Variants in SPTAN1 observed in about 807,000 individuals in gnomAD.
The protein encoded by SPTAN1 is spectrin alpha, non-erythrocytic 1.
A neutral mutation model predicts 331.3 loss-of-function variants in SPTAN1; 61 were observed. The observed-to-expected ratio is 0.18, with a 90% CI of 0.15 to 0.23. SPTAN1 has a LOEUF of 0.23. SPTAN1 is among the 10% of genes least tolerant of loss of function. The pLI, the probability that SPTAN1 is intolerant of heterozygous loss-of-function variation, is 1.00. For missense variants in SPTAN1, 2,043 were observed against 3,147.9 expected, an observed-to-expected ratio of 0.65 and a Z score of 8.40; for synonymous variants, 1,153 against 1,173.9, an observed-to-expected ratio of 0.98 and a Z score of 0.36.
At chr9:128,626,060 TCC>T in intron 48 of SPTAN1, 82 bp downstream of exon 48, 2 of 1,523,814 alleles carry the variant, frequency 1.3e-6, no homozygotes, top group Non-Finnish European at 1.8e-6. Context: ...GCTCTGCCAC[TCC>T]CCCTTGAGGA....
intron 52 of SPTAN1, among the ~76,000 whole-genome samples, chr9:128,631,090 C>T (rs911713471): frequency 2.6e-5 from 4 of 152,122 alleles, no homozygotes; most frequent in Admixed American, 6.5e-5. Flanking sequence ...AGTGATCTGT[C>T]CACCTCAGCC....
chr9:128,580,337 AC>A (rs1851794502), intron 10 of SPTAN1, among the ~76,000 whole-genome samples: 1 of 150,920 alleles, frequency 6.6e-6, no homozygotes, highest in Non-Finnish European at 1.5e-5. Context: ...ATTTTATTTT[AC>A]TTTTTTTATA....
intron 20 of SPTAN1, among the ~76,000 whole-genome samples, 164 bp from the exon 21 acceptor site, chr9:128,588,645 T>G (rs914524155): frequency 6.6e-6 from 1 of 152,056 alleles, no homozygotes; most frequent in Non-Finnish European, 1.5e-5. Context: ...TACCAAAAAT[T>G]TAAAGTTCTT....
Position 128,624,329 on chromosome 9 carries a change from A to G in SPTAN1, c.5834A>G (p.Asn1945Ser). The change falls in exon 46 of 57, where the codon AAC (asparagine) becomes AGC (serine). Residue 1945 changes from asparagine to serine, a missense_variant and splice_region_variant. By Grantham distance (46) the Asn-to-Ser change is conservative (BLOSUM62 1). Coordinates refer to ENST00000372739, the MANE Select transcript of SPTAN1 (RefSeq NM_001130438.3). ...TGTGTGCCTCTCTCCATGGCCTAGA[A>G]CAATCACCATGAGGAGAACATCTCT... is the stretch of plus-strand genomic sequence containing the variant. ...CTNGQDLIKK[N>S]NHHEENISSK... 6.2e-7 allele frequency: 1 copy of G among 1,613,878 alleles called. No homozygotes were observed. Among genetic ancestry groups the G allele is most frequent in the Non-Finnish European group, 8.5e-7 (1 of 1,179,996 alleles).
intron 45 of SPTAN1, among the ~76,000 whole-genome samples, chr9:128,622,819 C>A (rs976091235): frequency 2.6e-5 from 4 of 151,910 alleles, no homozygotes; most frequent in African/African-American, 9.7e-5. Flanking sequence ...CTGGCGCAAT[C>A]TCACCTCACT....
In SPTAN1 at chr9:128,627,773, T is replaced by G. The variant is rs571752722; in HGVS notation, c.6690-152T>G. ...GCGCGTGGTCAGCCCCAGCCATGAC[T>G]TGGTGACAGACGATGCAGGGTCTGT... On this transcript the variant is annotated intron_variant, in intron 50 of 56. Transcript: ENST00000372739. The surrounding 1 kb of genome is among the most constrained non-coding windows in gnomAD (Gnocchi z 4.9). The G allele has an allele frequency of 1.8e-5, 19 of 1,042,750 alleles. No individual in the cohort carries two copies. The East Asian group carries it at 4.5e-4, about 25-fold the overall frequency. The allele number at this position is 1,042,750 out of a possible 1,614,324, so 64.6% of individuals were successfully genotyped here. A position where few individuals can be genotyped will look rare whatever the true frequency, so the allele number is the denominator to read the frequency against.
chr9:128,589,075 A>C, intron 21 of SPTAN1, 132 bp downstream of exon 21: 1 of 1,293,034 alleles, frequency 7.7e-7, no homozygotes, highest in Non-Finnish European at 1.1e-6. Context: ...TTTCCTCACC[A>C]ATCCCCCACG....
chr9:128,561,707 A>ACTCTAATCAT (rs1849394463), intron 1 of SPTAN1, among the ~76,000 whole-genome samples: 1 of 146,722 alleles, frequency 6.8e-6, no homozygotes, highest in Non-Finnish European at 1.5e-5. Context: ...CAATATGTCA[A>ACTCTAATCAT]CTCTAATCAT....
At chr9:128,560,466 C>T (rs567214619) in intron 1 of SPTAN1, among the ~76,000 whole-genome samples, 6 of 151,072 alleles carry the variant, frequency 4.0e-5, no homozygotes, top group South Asian at 2.1e-4. Flanking sequence ...CTGCAAACTC[C>T]GCCTCCCAGG....
intron 46 of SPTAN1, 107 bp downstream of exon 46, chr9:128,624,594 A>G: frequency 2.8e-6 from 4 of 1,408,016 alleles, no homozygotes; most frequent in South Asian, 1.2e-5. Context: ...AATTGTGGGC[A>G]TGGCAGAGAA....
At chr9:128,599,273 T>G (rs745471364) in intron 26 of SPTAN1, 2 of 428,464 alleles carry the variant, frequency 4.7e-6, no homozygotes, top group Non-Finnish European at 8.7e-6. Flanking sequence ...TAGCTGGAAT[T>G]CCACGCATGT....
intron 21 of SPTAN1, among the ~76,000 whole-genome samples, chr9:128,589,690 C>T (rs182623553): frequency 1.9e-4 from 29 of 151,896 alleles, no homozygotes; most frequent in Non-Finnish European, 3.5e-4. Context: ...ATTCTCCTGC[C>T]TCAGCCTCCC....
Position 128,594,170 on chromosome 9 carries a change from A to G in SPTAN1, c.3216-5A>G. 6.2e-7 allele frequency: 1 copy of G among 1,614,118 alleles called. No homozygotes were observed. Among genetic ancestry groups the G allele is most frequent in the Non-Finnish European group, 8.5e-7 (1 of 1,180,020 alleles). On this transcript the variant is annotated splice_polypyrimidine_tract_variant and splice_region_variant and intron_variant, in intron 23 of 56. Transcript: ENST00000372739. Reference sequence around the variant, plus strand: ...CCCTCTTGTCACCCTCTTGAATTCCATCAGATATCATTCTCTGCTGGAACT... The same window carrying G: ...CCCTCTTGTCACCCTCTTGAATTCCGTCAGATATCATTCTCTGCTGGAACT...
At chr9:128,578,014 G>T (rs1320745223) in intron 8 of SPTAN1, 96 bp from the exon 9 acceptor site, 6 of 1,353,528 alleles carry the variant, frequency 4.4e-6, no homozygotes, top group Non-Finnish European at 5.3e-6. Context: ...TAGTTTGTTA[G>T]ACATTTGAGA....
At position 128,625,933 on chromosome 9, in the gene SPTAN1, C is replaced by T. The variant is rs147132904; in HGVS notation, c.6234C>T (p.Ala2078=). 3.5e-4 allele frequency: 561 copies of T among 1,614,154 alleles called. 4 individuals are homozygous for T. In the African/African-American group the frequency reaches 6.5e-3, roughly 19 times the overall value. Residue 2078 remains alanine, a synonymous_variant, in exon 48 of 57, where the codon GCC becomes GCT. Transcript: ENST00000372739. This position sits in a 1 kb window ranked among gnomAD's most constrained non-coding sequence, Gnocchi z 4.1. ...GGAGCCAGCTTCTGGCCAACTCAGCCGCCCGCAAGAAGAAGCTTCTGGAGG... is the reference window on the plus strand; with the variant it reads ...GGAGCCAGCTTCTGGCCAACTCAGCTGCCCGCAAGAAGAAGCTTCTGGAGG... ...KRWSQLLANS[A]ARKKKLLEAQ...
At chr9:128,608,822 G>T (rs1856230580) in intron 34 of SPTAN1, 52 bp from the exon 35 acceptor site, 2 of 1,570,236 alleles carry the variant, frequency 1.3e-6, no homozygotes, top group Non-Finnish European at 1.8e-6. Flanking sequence ...GGCAGTCCAG[G>T]CAGGGCCCAG....
chr9:128,622,519 G>T (rs983984176), intron 45 of SPTAN1, among the ~76,000 whole-genome samples: 1 of 151,082 alleles, frequency 6.6e-6, no homozygotes, highest in Non-Finnish European at 1.5e-5. Flanking sequence ...GGCTGGTCTC[G>T]AACTCCTGAC....
chr9:128,600,258 C>T (rs1218122511), intron 27 of SPTAN1, 143 bp downstream of exon 27: 1 of 882,068 alleles, frequency 1.1e-6, no homozygotes, highest in African/African-American at 1.7e-5. Context: ...CTTTCTGAAT[C>T]TGTTAACTCT....
chr9:128,575,739 TC>T (rs1483330530), intron 5 of SPTAN1, among the ~76,000 whole-genome samples: 4 of 152,256 alleles, frequency 2.6e-5, no homozygotes, highest in Admixed American at 2.0e-4. Context: ...ATTTGAAGCT[TC>T]CCTGGGCTCT....
Sources: gnomAD v4.1 joint callset for allele counts (sites outside exome capture counted in the v4.1 genomes callset) on GRCh38, gnomAD v4.1.1 for gene constraint, Gnocchi (gnomAD v3.1) non-coding constraint, MANE v1.5 for transcripts, NCBI Gene and HGNC (gene_info 2026-07-23, HGNC 2026-07-21) for gene names.